CPEB4: variants seen among roughly 807,000 people sequenced by gnomAD.
The protein encoded by CPEB4 is cytoplasmic polyadenylation element-binding protein 4.
Under a neutral mutation model 72.5 loss-of-function variants are expected in CPEB4, and 12 were observed. The observed-to-expected ratio is 0.17, with a 90% CI of 0.11 to 0.27. CPEB4 has a LOEUF of 0.27. Ranked by LOEUF, CPEB4 falls within the 10% of genes least tolerant of loss-of-function variation. The pLI is 1.00. For missense variants in CPEB4, 614 were observed against 908.5 expected, an observed-to-expected ratio of 0.68 and a Z score of 4.17; for synonymous variants, 302 against 326.3, an observed-to-expected ratio of 0.93 and a Z score of 0.80.
chr5:173,939,409 G>T (rs900497222), intron 3 of CPEB4, among the ~76,000 whole-genome samples: 1 of 152,136 alleles, frequency 6.6e-6, no homozygotes. Context: ...TTTTGAATGT[G>T]TGGGTACTTT....
Position 173,955,859 on chromosome 5 carries a change from G to A in CPEB4, c.1963-51G>A, listed in dbSNP as rs1758361331. ...GGGTGGAAATGTACATGTATGGTAA[G>A]CATTGCTGGCCTAGTCACTGAAAAA... On this transcript the variant is annotated intron_variant, in intron 9 of 9. Transcript: ENST00000265085. The surrounding 1 kb of genome is among the most constrained non-coding windows in gnomAD (Gnocchi z 4.7). 7.1e-7 allele frequency: 1 copy of A among 1,414,028 alleles called. No homozygotes were observed. The allele number at this position is 1,414,028 out of a possible 1,614,324, so 87.6% of individuals were successfully genotyped here.
chr5:173,931,157 T>A (rs1757433673), intron 2 of CPEB4, among the ~76,000 whole-genome samples: 2 of 152,200 alleles, frequency 1.3e-5, no homozygotes, highest in Admixed American at 6.5e-5. Flanking sequence ...AGCAGCATTT[T>A]AAAACATTGA....
At chr5:173,920,815 T>C (rs1757043184) in intron 2 of CPEB4, among the ~76,000 whole-genome samples, 1 of 152,246 alleles carries the variant, frequency 6.6e-6, no homozygotes, top group African/African-American at 2.4e-5. Context: ...GGTGTGGCAG[T>C]ATTTCATATG....
At chr5:173,905,553 T>A (rs1581117649) in intron 1 of CPEB4, among the ~76,000 whole-genome samples, 3 of 152,204 alleles carry the variant, frequency 2.0e-5, no homozygotes, top group South Asian at 4.2e-4. Flanking sequence ...ACTCCTGACC[T>A]TGTGATCTGC....
intron 6 of CPEB4, 50 bp downstream of exon 6, chr5:173,949,647 A>G: frequency 7.8e-7 from 1 of 1,277,240 alleles, no homozygotes; most frequent in Non-Finnish European, 1.1e-6. Context: ...TACATTGTTT[A>G]ATGTGTAGCC....
Position 173,950,323 on chromosome 5 carries a change from G to A in CPEB4, c.1665+245G>A, listed in dbSNP as rs539209086. On this transcript the variant is annotated intron_variant, in intron 7 of 9. Transcript: ENST00000265085. This position sits in a 1 kb window ranked among gnomAD's most constrained non-coding sequence, Gnocchi z 5.0. ...AATCTTTATTTTTAAAAGATTTCAC[G>A]GCTGGGCATGGTGGCTCACACCTGT... is the stretch of plus-strand genomic sequence containing the variant. Among the ~76,000 whole-genome samples, 11 of 152,228 alleles carry A rather than the reference G, an allele frequency of 7.2e-5. No individual in the cohort carries two copies. Among genetic ancestry groups the A allele is most frequent in the African/African-American group, 1.4e-4 (6 of 41,524 alleles).
chr5:173,934,938 T>C (rs1402287428), intron 3 of CPEB4, among the ~76,000 whole-genome samples: 1 of 152,220 alleles, frequency 6.6e-6, no homozygotes, highest in East Asian at 1.9e-4. Flanking sequence ...TCATTCTTAG[T>C]AGCTTTGCTC....
At chr5:173,949,826 T>G (rs537363706) in intron 6 of CPEB4, 134 bp from the exon 7 acceptor site, 1 of 755,698 alleles carries the variant, frequency 1.3e-6, no homozygotes, top group South Asian at 1.6e-5. Context: ...GTCATCAGAC[T>G]TTTGGTATAA....
At chr5:173,945,199 A>T in intron 5 of CPEB4, 59 bp downstream of exon 5, 1 of 1,430,824 alleles carries the variant, frequency 7.0e-7, no homozygotes, top group African/African-American at 1.4e-5. Context: ...TAGGAAACTC[A>T]CAGATAGTGT....
chr5:173,930,276 G>C (rs1052276143), intron 2 of CPEB4, among the ~76,000 whole-genome samples: 1 of 152,106 alleles, frequency 6.6e-6, no homozygotes, highest in Non-Finnish European at 1.5e-5. Context: ...AGCTGGTCTC[G>C]AACTCCTGAT....
chr5:173,938,116 C>G (rs185533077), intron 3 of CPEB4, among the ~76,000 whole-genome samples: 44 of 152,276 alleles, frequency 2.9e-4, no homozygotes, highest in African/African-American at 1.0e-3. Flanking sequence ...CTTTTAGCTT[C>G]AAGCCTTTGA....
intron 3 of CPEB4, among the ~76,000 whole-genome samples, chr5:173,940,775 T>C (rs1035703541): frequency 6.6e-6 from 1 of 152,248 alleles, no homozygotes; most frequent in South Asian, 2.1e-4. Flanking sequence ...TTAATTTACA[T>C]TAATTTCCTG....
rs200610937 is a variant in CPEB4 at position 173,902,806 on chromosome 5, T to TTTC, written c.1126-7715_1126-7713dup. Among the ~76,000 whole-genome samples the TTTC allele has an allele frequency of 4.2e-3, 641 of 152,334 alleles. 3 individuals carry two copies. The highest frequency in any genetic ancestry group is 0.013 in the African/African-American group (544 of 41,570). ...TTTAACAAACAGCAGTTACTAATAT[T>TTTC]TTCTGCTTATTAAAATCTGAGATCA... On this transcript the variant is annotated intron_variant, in intron 1 of 9. Coordinates refer to ENST00000265085, the MANE Select transcript of CPEB4 (RefSeq NM_030627.4).
chr5:173,932,596 G>T, intron 3 of CPEB4, 96 bp downstream of exon 3: 4 of 887,036 alleles, frequency 4.5e-6, no homozygotes, highest in South Asian at 3.3e-5. Context: ...GTTCTGTAAT[G>T]ATAACTGTAA....
intron 8 of CPEB4, 25 bp downstream of exon 8, chr5:173,951,963 C>G (rs1484031693): frequency 7.0e-7 from 1 of 1,423,340 alleles, no homozygotes; most frequent in South Asian, 1.1e-5. Flanking sequence ...ACGACAAACT[C>G]TCTACCCTAT....
intron 3 of CPEB4, among the ~76,000 whole-genome samples, chr5:173,940,162 G>A (rs1160626682): frequency 9.2e-5 from 14 of 152,006 alleles, no homozygotes; most frequent in South Asian, 8.3e-4. Context: ...CATATAAATC[G>A]TAATCATTTA....
At position 173,955,985 on chromosome 5, in the gene CPEB4, G is replaced by A; in HGVS notation, c.2038G>A (p.Ala680Thr). ...GGGGGCCCGTTGTGGGGGGAAATTT[G>A]CTCCATTTTTCTGTGCTAATGTTAC... ...CQGARCGGKFAPFFCANVTCL... is the reference protein window; with the variant it reads ...CQGARCGGKFTPFFCANVTCL... The change falls in exon 10 of 10, where the codon GCT becomes ACT. Residue 680 changes from alanine to threonine, a missense_variant. By Grantham distance (58) the Ala-to-Thr change is moderately conservative (BLOSUM62 0). Coordinates refer to ENST00000265085, the MANE Select transcript of CPEB4 (RefSeq NM_030627.4). The surrounding 1 kb of genome is among the most constrained non-coding windows in gnomAD (Gnocchi z 4.7). 6.2e-7 allele frequency: 1 copy of A among 1,614,088 alleles called. No individual in the cohort carries two copies. Among genetic ancestry groups the A allele is most frequent in the Non-Finnish European group, 8.5e-7 (1 of 1,179,994 alleles).
intron 3 of CPEB4, among the ~76,000 whole-genome samples, chr5:173,933,961 T>G (rs1236379685): frequency 6.6e-6 from 1 of 152,156 alleles, no homozygotes; most frequent in Non-Finnish European, 1.5e-5. Flanking sequence ...AGCAGGAGGA[T>G]TCCTTGAGTC....
At chr5:173,894,681 A>G (rs1190381270) in intron 1 of CPEB4, among the ~76,000 whole-genome samples, 1 of 151,780 alleles carries the variant, frequency 6.6e-6, no homozygotes, top group Non-Finnish European at 1.5e-5. Context: ...ACATGTATTG[A>G]TTCATTTAAT....
Sources: gnomAD v4.1 joint callset for allele counts (sites outside exome capture counted in the v4.1 genomes callset) on GRCh38, gnomAD v4.1.1 for gene constraint, Gnocchi (gnomAD v3.1) non-coding constraint, MANE v1.5 for transcripts, NCBI Gene and HGNC (gene_info 2026-07-23, HGNC 2026-07-21) for gene names.